Variants in TMEM116 observed in about 807,000 individuals in gnomAD.
TMEM116 encodes transmembrane protein 116.
A neutral mutation model predicts 44.3 loss-of-function variants in TMEM116; 38 were observed. The observed-to-expected ratio is 0.86, with a 90% CI of 0.66 to 1.12. The LOEUF (loss-of-function observed/expected upper bound fraction) is 1.12. Ranked by LOEUF, TMEM116 falls within the 50% of genes most tolerant of loss-of-function variation. The probability of loss-of-function intolerance (pLI) is 0.00; values close to 1 mark genes in which losing one functional copy is unlikely to be tolerated. For missense variants in TMEM116, 354 were observed against 401.7 expected (o/e 0.88, Z 1.01); for synonymous variants, 132 against 144.8 (o/e 0.91, Z 0.64).
intron 4 of TMEM116, among the ~76,000 whole-genome samples, chr12:111,968,678 C>T (rs1348650832): frequency 6.6e-6 from 1 of 152,110 alleles, no homozygotes; most frequent in Admixed American, 6.6e-5. Flanking sequence ...TAAGTTGAGA[C>T]ATTGGAGAAA....
chr12:111,970,721 G>C (rs1340544333), intron 4 of TMEM116, among the ~76,000 whole-genome samples: 4 of 151,798 alleles, frequency 2.6e-5, no homozygotes, highest in Non-Finnish European at 5.9e-5. Flanking sequence ...TGAGTAGCTG[G>C]GACTACAGGC....
intron 4 of TMEM116, among the ~76,000 whole-genome samples, chr12:111,986,211 T>C (rs2076221898): frequency 6.6e-6 from 1 of 151,832 alleles, no homozygotes; most frequent in South Asian, 2.1e-4. Context: ...ATTTAAAAAT[T>C]AGCCAGCTGT....
In TMEM116 at chr12:111,950,988, G is replaced by A. The variant is rs574912335; in HGVS notation, c.211-7619C>T. 8.6e-5 allele frequency among the ~76,000 whole-genome samples: 13 copies of A among 152,034 alleles called. No individual in the cohort carries two copies. In the South Asian group the frequency reaches 2.7e-3, roughly 32 times the overall value. On this transcript the variant is annotated intron_variant, in intron 4 of 10. Transcript: ENST00000552374. ...AAGGAACTTAAAAATCAACTTATAA[G>A]AAAAAAGCCTCATTAAAAAGTGCAC...
chr12:112,010,511 A>G (rs1316762492), intron 1 of TMEM116: 3 of 152,260 alleles, frequency 2.0e-5, no homozygotes, highest in Admixed American at 1.3e-4. Flanking sequence ...CAGGTTGTCC[A>G]TCAGGTATTC....
intron 4 of TMEM116, among the ~76,000 whole-genome samples, chr12:111,959,552 A>C (rs2074418710): frequency 6.6e-6 from 1 of 152,238 alleles, no homozygotes; most frequent in African/African-American, 2.4e-5. Flanking sequence ...ACAGACCGGC[A>C]AATTGGATAA....
chr12:111,968,764 A>T (rs1213941370), intron 4 of TMEM116, among the ~76,000 whole-genome samples: 3 of 152,000 alleles, frequency 2.0e-5, no homozygotes, highest in Non-Finnish European at 2.9e-5. Flanking sequence ...AGGCTGAGGC[A>T]GGTGGATCAC....
At chr12:111,944,980 C>T (rs1046874578) in intron 4 of TMEM116, among the ~76,000 whole-genome samples, 1 of 149,986 alleles carries the variant, frequency 6.7e-6, no homozygotes, top group East Asian at 2.0e-4. Context: ...GAGCCTGAGG[C>T]AGGCAAATCA....
intron 8 of TMEM116, chr12:111,935,032 C>T (rs1315267611): frequency 1.3e-5 from 2 of 152,178 alleles, no homozygotes; most frequent in Non-Finnish European, 2.9e-5. Flanking sequence ...CCTACATAAG[C>T]ATCAAAAGGA....
At chr12:112,013,169 C>G, upstream of TMEM116, 1 of 395,960 alleles carries the variant, frequency 2.5e-6, no homozygotes, top group Non-Finnish European at 4.6e-6. Context: ...CGGAACTGGG[C>G]GGACCCGCCG....
At chr12:112,000,270 G>A (rs1250979804) in intron 3 of TMEM116, among the ~76,000 whole-genome samples, 1 of 152,118 alleles carries the variant, frequency 6.6e-6, no homozygotes, top group Non-Finnish European at 1.5e-5. Flanking sequence ...ATCATTTTAT[G>A]TGTAGCAATT....
intron 4 of TMEM116, among the ~76,000 whole-genome samples, chr12:111,982,944 G>A (rs1275055923): frequency 1.3e-5 from 2 of 152,134 alleles, no homozygotes; most frequent in African/African-American, 4.8e-5. Context: ...CTAAGGTAAT[G>A]GAAAGATACT....
At chr12:111,966,676 A>G (rs1349220581) in intron 4 of TMEM116, among the ~76,000 whole-genome samples, 1 of 152,160 alleles carries the variant, frequency 6.6e-6, no homozygotes. Context: ...TGTTCAGGGC[A>G]CTTCTTACTA....
intron 4 of TMEM116, among the ~76,000 whole-genome samples, chr12:111,972,092 A>AAAC (rs2075376453): frequency 1.3e-5 from 2 of 150,542 alleles, no homozygotes; most frequent in African/African-American, 2.4e-5. Context: ...AAAAAAAAAA[A>AAAC]AAAACCCACC....
chr12:112,010,878 C>A (rs999745380), intron 1 of TMEM116: 1 of 152,268 alleles, frequency 6.6e-6, no homozygotes, highest in Admixed American at 6.5e-5. Flanking sequence ...AGAAGATGCA[C>A]CACGAGTCCC....
intron 1 of TMEM116, among the ~76,000 whole-genome samples, chr12:112,006,465 C>T (rs180927109): frequency 6.6e-6 from 1 of 152,302 alleles, no homozygotes; most frequent in Admixed American, 6.5e-5. Flanking sequence ...TGCATATTCA[C>T]TCAGTTAATA....
chr12:111,966,054 C>T (rs1352530985), intron 4 of TMEM116, among the ~76,000 whole-genome samples: 1 of 152,202 alleles, frequency 6.6e-6, no homozygotes, highest in Non-Finnish European at 1.5e-5. Context: ...TGCCTGTAAT[C>T]CCAGCACTTT....
intron 4 of TMEM116, among the ~76,000 whole-genome samples, chr12:111,976,071 C>T (rs570848634): frequency 6.6e-6 from 1 of 151,952 alleles, no homozygotes; most frequent in African/African-American, 2.4e-5. Flanking sequence ...TGCAGTGGTG[C>T]GATCTTGGCT....
intron 4 of TMEM116, among the ~76,000 whole-genome samples, chr12:111,964,884 G>A (rs1326952582): frequency 2.6e-5 from 4 of 151,922 alleles, no homozygotes; most frequent in African/African-American, 9.7e-5. Flanking sequence ...TAGAGACAGG[G>A]CTCTCAATAT....
chr12:111,932,096 TC>T (rs1353552832), intron 10 of TMEM116, among the ~76,000 whole-genome samples: 1 of 152,142 alleles, frequency 6.6e-6, no homozygotes, highest in East Asian at 1.9e-4. Flanking sequence ...TGCCTCATTT[TC>T]CAGGGTACCC....
Sources: allele counts gnomAD v4.1 joint callset (sites outside exome capture counted in the v4.1 genomes callset), GRCh38; gene constraint gnomAD v4.1.1; transcripts MANE v1.5; gene names NCBI Gene and HGNC (gene_info 2026-07-23, HGNC 2026-07-21).